The following CBFA2T3 variants were observed in gnomAD, a reference collection of about 807,000 sequenced individuals.
CBFA2T3 encodes the protein transcriptional corepressor CBFA2T3.
CBFA2T3 carries 31 observed loss-of-function variants against 58.6 expected under a neutral mutation model. The ratio of observed to expected loss-of-function variants is 0.53; its 90% CI spans 0.40 to 0.71. CBFA2T3 has a LOEUF of 0.71. CBFA2T3 is among the 30% of genes least tolerant of loss of function. The pLI, the probability that CBFA2T3 is intolerant of heterozygous loss-of-function variation, is 0.00. For missense variants in CBFA2T3, 1,076 were observed against 963.1 expected (o/e 1.12, Z -1.55); for synonymous variants, 531 against 421.9 (o/e 1.26, Z -3.17).
chr16:88,962,749 T>A (rs907512145), intron 1 of CBFA2T3, among the ~76,000 whole-genome samples: 4 of 152,208 alleles, frequency 2.6e-5, no homozygotes, highest in African/African-American at 9.6e-5. Flanking sequence ...TGTCTTTAGA[T>A]GTCGCCTGGT....
intron 1 of CBFA2T3, among the ~76,000 whole-genome samples, chr16:88,934,602 A>C (rs942996280): frequency 1.3e-5 from 2 of 152,254 alleles, no homozygotes; most frequent in Admixed American, 6.5e-5. Context: ...ACGGAGGCCC[A>C]GAGGAGCGGA....
At chr16:88,943,948 G>C (rs995864378) in intron 1 of CBFA2T3, among the ~76,000 whole-genome samples, 11 of 152,202 alleles carry the variant, frequency 7.2e-5, no homozygotes, top group Non-Finnish European at 1.0e-4. Context: ...CAGGGCTCGG[G>C]AGGGGGCAGA....
intron 1 of CBFA2T3, among the ~76,000 whole-genome samples, chr16:88,917,651 G>A (rs919048121): frequency 3.9e-5 from 6 of 152,194 alleles, no homozygotes; most frequent in South Asian, 2.1e-4. Flanking sequence ...AGCCACTGCC[G>A]GTGTGGACGC....
At chr16:88,927,875 C>T (rs1411816067) in intron 1 of CBFA2T3, among the ~76,000 whole-genome samples, 6 of 152,202 alleles carry the variant, frequency 3.9e-5, no homozygotes, top group Non-Finnish European at 5.9e-5. Context: ...GATGGAAAGG[C>T]GCCTCGTGAC....
At chr16:88,926,365 C>T (rs536858828) in intron 1 of CBFA2T3, among the ~76,000 whole-genome samples, 29 of 152,338 alleles carry the variant, frequency 1.9e-4, no homozygotes, top group African/African-American at 6.7e-4. Context: ...CCAAGCGCTC[C>T]GAGGGACCTG....
chr16:88,917,259 C>T (rs1970768074), intron 1 of CBFA2T3, among the ~76,000 whole-genome samples: 1 of 152,166 alleles, frequency 6.6e-6, no homozygotes, highest in South Asian at 2.1e-4. Context: ...ACCCCAGACA[C>T]AAGCGGAGCG....
rs77988544 is a variant in CBFA2T3 at position 88,926,051 on chromosome 16, G to C, written c.152-24395C>G. Among the ~76,000 whole-genome samples the C allele has an allele frequency of 8.2e-3, 1,250 of 152,320 alleles. 20 individuals carry two copies. The highest frequency in any genetic ancestry group is 0.039 in the East Asian group (204 of 5,170). Reference sequence around the variant, plus strand: ...GCTCCGTGAGACGGGGGAGGCCCCCGTGAATTGTGCAGGGAGCACTTGGTG... The same window carrying C: ...GCTCCGTGAGACGGGGGAGGCCCCCCTGAATTGTGCAGGGAGCACTTGGTG... On this transcript the variant is annotated intron_variant, in intron 1 of 11. Coordinates refer to ENST00000268679, the MANE Select transcript of CBFA2T3 (RefSeq NM_005187.6).
At chr16:88,924,411 C>T (rs1971019451) in intron 1 of CBFA2T3, among the ~76,000 whole-genome samples, 2 of 152,040 alleles carry the variant, frequency 1.3e-5, no homozygotes, top group African/African-American at 4.8e-5. Flanking sequence ...GGAGAGGGAC[C>T]CGGGGTCCAG....
intron 2 of CBFA2T3, among the ~76,000 whole-genome samples, chr16:88,899,909 G>A (rs1970035295): frequency 6.6e-6 from 1 of 152,144 alleles, no homozygotes; most frequent in African/African-American, 2.4e-5. Context: ...GCTCGGTGTG[G>A]TCGCAAGCTG....
intron 1 of CBFA2T3, among the ~76,000 whole-genome samples, chr16:88,946,992 T>C (rs1238284886): frequency 3.3e-5 from 5 of 152,248 alleles, no homozygotes; most frequent in Non-Finnish European, 7.3e-5. Flanking sequence ...GCAGTGACAC[T>C]ATTCTGTATG....
At chr16:88,924,535 G>A (rs1235298523) in intron 1 of CBFA2T3, among the ~76,000 whole-genome samples, 1 of 152,130 alleles carries the variant, frequency 6.6e-6, no homozygotes, top group Non-Finnish European at 1.5e-5. Context: ...CCCAGTGGTG[G>A]CTGCGGGGGC....
chr16:88,915,423 C>A (rs553548837), intron 1 of CBFA2T3, among the ~76,000 whole-genome samples: 6 of 8,498 alleles, frequency 7.1e-4, no homozygotes, highest in Admixed American at 5.0e-3. Context: ...GGAGCGTGGA[C>A]GGGGGCAGCG....
chr16:88,897,707 T>TG (rs2142618636), intron 3 of CBFA2T3, among the ~76,000 whole-genome samples: 1 of 152,182 alleles, frequency 6.6e-6, no homozygotes, highest in Admixed American at 6.5e-5. Flanking sequence ...TCCAGGTAGG[T>TG]GGGGTCTGCC....
chr16:88,902,125 G>A (rs1456086938), intron 1 of CBFA2T3, among the ~76,000 whole-genome samples: 1 of 152,248 alleles, frequency 6.6e-6, no homozygotes, highest in Non-Finnish European at 1.5e-5. Context: ...TGGCGCTGCT[G>A]CTGGTCTGGC....
Position 88,885,982 on chromosome 16 carries a change from C to T in CBFA2T3, c.872G>A (p.Gly291Asp). 1 of 1,551,292 alleles carries T rather than the reference C, an allele frequency of 6.4e-7. No individual in the cohort carries two copies. Among genetic ancestry groups the T allele is most frequent in the Non-Finnish European group, 8.7e-7 (1 of 1,148,254 alleles). The change falls in exon 6 of 12, where the codon GGC (glycine) becomes GAC (aspartate). Residue 291 changes from glycine (G) to aspartate (D), a missense_variant. Transcript: ENST00000268679. This position sits in a 1 kb window ranked among gnomAD's most constrained non-coding sequence, Gnocchi z 5.3. ...GTACCTGTCGGGCGTCCTCCTCTTGCCGTTCTCGTTGACTTCCAGTAGCAG... is the reference window on the plus strand; with the variant it reads ...GTACCTGTCGGGCGTCCTCCTCTTGTCGTTCTCGTTGACTTCCAGTAGCAG... ...SELLLEVNEN[G>D]KRRTPDRTKE...
chr16:88,969,505 AG>A (rs1393986962), intron 1 of CBFA2T3, among the ~76,000 whole-genome samples: 1 of 152,122 alleles, frequency 6.6e-6, no homozygotes, highest in African/African-American at 2.4e-5. Flanking sequence ...AGCCTTCAGG[AG>A]GGGCTCGCCG....
At chr16:88,901,283 G>GC (rs1211890806) in intron 2 of CBFA2T3, among the ~76,000 whole-genome samples, 4 of 152,210 alleles carry the variant, frequency 2.6e-5, no homozygotes, top group East Asian at 1.9e-4. Context: ...GGAAGCCCAG[G>GC]CCCCCCGGAG....
intron 1 of CBFA2T3, among the ~76,000 whole-genome samples, chr16:88,967,712 G>T (rs943719417): frequency 2.0e-5 from 3 of 152,312 alleles, no homozygotes; most frequent in African/African-American, 7.2e-5. Flanking sequence ...CTCCTGGGGG[G>T]TTAAAGATCA....
At chr16:88,889,150 AGAAGG>A (rs1402429469) in intron 5 of CBFA2T3, among the ~76,000 whole-genome samples, 3 of 151,690 alleles carry the variant, frequency 2.0e-5, no homozygotes, top group Non-Finnish European at 2.9e-5. Context: ...GCAAGTTAAA[AGAAGG>A]GAAGGGAAGG....
Sources: allele counts gnomAD v4.1 joint callset (sites outside exome capture counted in the v4.1 genomes callset), GRCh38; gene constraint gnomAD v4.1.1; non-coding constraint Gnocchi (gnomAD v3.1); transcripts MANE v1.5; gene names NCBI Gene and HGNC (gene_info 2026-07-23, HGNC 2026-07-21).